NPAP1: variants seen among roughly 807,000 people sequenced by gnomAD.
NPAP1 encodes the protein nuclear pore associated protein 1, also known as nuclear pore-associated protein 1.
For missense variants in NPAP1, 1,483 were observed against 1,454.5 expected, an observed-to-expected ratio of 1.02 and a Z score of -0.32; for synonymous variants, 616 against 581.4, an observed-to-expected ratio of 1.06 and a Z score of -0.86.
In NPAP1 at chr15:24,679,326, C is replaced by A. The variant is rs2049001876; in HGVS notation, c.3459C>A (p.Phe1153Leu). The change falls in exon 1 of 1, where the codon TTC becomes TTA. Residue 1153 changes from phenylalanine to leucine, a missense_variant. By Grantham distance (22) the Phe-to-Leu change is conservative. Coordinates refer to ENST00000329468, the MANE Select transcript of NPAP1 (RefSeq NM_018958.3). Reference sequence around the variant, plus strand: ...CATATGTTAGGAGACATGTCTGTTTCCAACTTCCGTAAGAGCACCTGTGGT... The same window carrying A: ...CATATGTTAGGAGACATGTCTGTTTACAACTTCCGTAAGAGCACCTGTGGT... ...QETYVRRHVC[F>L]QLP is the part of the protein sequence containing the mutation. 1 of 1,611,188 alleles carries A rather than the reference C, an allele frequency of 6.2e-7. No individual in the cohort carries two copies. The highest frequency in any genetic ancestry group is 8.5e-7 in the Non-Finnish European group (1 of 1,178,486).
Position 24,675,946 on chromosome 15 carries a change from C to G in NPAP1, c.79C>G (p.Pro27Ala), listed in dbSNP as rs765265578. 6 of 1,590,034 alleles carry G rather than the reference C, an allele frequency of 3.8e-6. No homozygotes were observed. Among genetic ancestry groups the G allele is most frequent in the Non-Finnish European group, 4.3e-6 (5 of 1,170,252 alleles). The stretch of plus-strand genomic sequence containing the variant: ...AGGGCCAGGGCGTGGCGCCCCCGCT[C>G]CCCTGTCCCGGGACGCCTCCCCGCC... ...LPGPGRGAPA[P>A]LSRDASPPGR... is the part of the protein sequence containing the mutation. Residue 27 changes from proline (P) to alanine (A), a missense_variant, in exon 1 of 1, where the codon CCC becomes GCC. Physicochemically the swap from Pro to Ala is conservative, Grantham distance 27 (BLOSUM62 -1). Coordinates refer to ENST00000329468, the MANE Select transcript of NPAP1 (RefSeq NM_018958.3).
chr15:24,676,298 C>T lies in NPAP1; in HGVS notation c.431C>T (p.Thr144Ile), dbSNP rs371525434. The change falls in exon 1 of 1, where the codon ACT becomes ATT. Residue 144 changes from threonine to isoleucine, a missense_variant. Transcript: ENST00000329468. ...AAGGCCAGGAAGCCCATCCCAGCCACTCTCCTGGAGGAGACCGAGGTGTGG... is the reference window on the plus strand; with the variant it reads ...AAGGCCAGGAAGCCCATCCCAGCCATTCTCCTGGAGGAGACCGAGGTGTGG... ...AVKARKPIPA[T>I]LLEETEVWAQ... 2 of 1,519,284 alleles carry T rather than the reference C, an allele frequency of 1.3e-6. No homozygotes were observed. The highest frequency in any genetic ancestry group is 1.8e-6 in the Non-Finnish European group (2 of 1,135,428). The allele number at this position is 1,519,284 out of a possible 1,614,324, so 94.1% of individuals were successfully genotyped here. A position where few individuals can be genotyped will look rare whatever the true frequency, so the allele number is the denominator to read the frequency against.
In NPAP1 at chr15:24,677,540, C is replaced by G. The variant is rs1043881755; in HGVS notation, c.1673C>G (p.Thr558Arg). ...TCCACGTCAGTCATTTCCACTGTCACAACAAACGCATCTGCCCACCTAACC... is the reference window on the plus strand; with the variant it reads ...TCCACGTCAGTCATTTCCACTGTCAGAACAAACGCATCTGCCCACCTAACC... ...MNSTSVISTV[T>R]TNASAHLTSQ... Residue 558 changes from threonine to arginine, a missense_variant, in exon 1 of 1, where the codon ACA (threonine) becomes AGA (arginine). Physicochemically the swap from Thr to Arg is moderately conservative, Grantham distance 71 (BLOSUM62 -1). Transcript: ENST00000329468. The G allele has an allele frequency of 6.2e-7, 1 of 1,614,042 alleles. No individual in the cohort carries two copies. Among genetic ancestry groups the G allele is most frequent in the Non-Finnish European group, 8.5e-7 (1 of 1,180,036 alleles).
rs770374390 is a variant in NPAP1, at chr15:24,675,904, C to T, written c.37C>T (p.Arg13Cys). 2 of 1,577,792 alleles carry T rather than the reference C, an allele frequency of 1.3e-6. No individual in the cohort carries two copies. Among genetic ancestry groups the T allele is most frequent in the Admixed American group, 1.9e-5 (1 of 54,050 alleles). ...NLLSKFRPGC[R>C]RRPLPGPGRG... Reference sequence around the variant, plus strand: ...ACTTAGTAAATTTAGACCCGGGTGCCGCCGCCGGCCCCTGCCAGGGCCAGG... The same window carrying T: ...ACTTAGTAAATTTAGACCCGGGTGCTGCCGCCGGCCCCTGCCAGGGCCAGG... The change falls in exon 1 of 1, where the codon CGC becomes TGC. Residue 13 changes from arginine (R) to cysteine (C), a missense_variant. Physicochemically the swap from Arg to Cys is radical, Grantham distance 180. Coordinates refer to ENST00000329468, the MANE Select transcript of NPAP1 (RefSeq NM_018958.3).
At position 24,678,128 on chromosome 15, in the gene NPAP1, G is replaced by C. The variant is rs2141311912; in HGVS notation, c.2261G>C (p.Arg754Thr). The change falls in exon 1 of 1, where the codon AGG (arginine) becomes ACG (threonine). Residue 754 changes from arginine to threonine, a missense_variant. Arg to Thr is a moderately conservative substitution (Grantham distance 71). Transcript: ENST00000329468. ...ACCAGTTTGCCTGCACAGTCAGTCA[G>C]GGCACCAGCTACAGCTTCCAACCAT... is the stretch of plus-strand genomic sequence containing the variant. ...GSTSLPAQSVRAPATASNHPL... is the reference protein window; with the variant it reads ...GSTSLPAQSVTAPATASNHPL... 6.2e-7 allele frequency: 1 copy of C among 1,612,692 alleles called. No individual in the cohort carries two copies. The highest frequency in any genetic ancestry group is 2.2e-5 in the East Asian group (1 of 44,680).
rs1389631819 is a variant in NPAP1, at chr15:24,676,646, C to T, written c.779C>T (p.Thr260Ile). 6.2e-7 allele frequency: 1 copy of T among 1,613,940 alleles called. No homozygotes were observed. ...CTTGGAAAGCCTGATCCGGATGCAACAGCGCCCCCTGAGCCAGCCGTTGGC... is the reference window on the plus strand; with the variant it reads ...CTTGGAAAGCCTGATCCGGATGCAATAGCGCCCCCTGAGCCAGCCGTTGGC... ...RHLGKPDPDATAPPEPAVGCS... is the reference protein window; with the variant it reads ...RHLGKPDPDAIAPPEPAVGCS... Residue 260 changes from threonine to isoleucine, a missense_variant, in exon 1 of 1, where the codon ACA becomes ATA. Transcript: ENST00000329468.
At position 24,676,944 on chromosome 15, in the gene NPAP1, C is replaced by G. The variant is rs2141309197; in HGVS notation, c.1077C>G (p.Cys359Trp). 1 of 1,600,512 alleles carries G rather than the reference C, an allele frequency of 6.2e-7. No individual in the cohort carries two copies. The highest frequency in any genetic ancestry group is 8.5e-7 in the Non-Finnish European group (1 of 1,173,638). Reference protein sequence around the residue: ...GELPPPAKLPCLSVEGDLHTL... With the variant: ...GELPPPAKLPWLSVEGDLHTL... The stretch of plus-strand genomic sequence containing the variant: ...TTCCCCCACCTGCTAAGCTCCCCTG[C>G]CTGTCTGTTGAGGGAGACCTACACA... The change falls in exon 1 of 1, where the codon TGC (cysteine) becomes TGG (tryptophan). Residue 359 changes from cysteine to tryptophan, a missense_variant. Coordinates refer to ENST00000329468, the MANE Select transcript of NPAP1 (RefSeq NM_018958.3).
At position 24,679,257 on chromosome 15, in the gene NPAP1, G is replaced by A; in HGVS notation, c.3390G>A (p.Glu1130=). The part of the protein sequence containing the change: ...QQCILQHTWT[E]RKFYTSSTHY... Reference sequence around the variant, plus strand: ...GCATCCTGCAGCACACATGGACAGAGAGAAAATTCTACACTTCAAGCACCC... The same window carrying A: ...GCATCCTGCAGCACACATGGACAGAAAGAAAATTCTACACTTCAAGCACCC... The change falls in exon 1 of 1, where the codon GAG becomes GAA. Residue 1130 remains glutamate (E), a synonymous_variant. Transcript: ENST00000329468. 6.2e-7 allele frequency: 1 copy of A among 1,614,040 alleles called. No homozygotes were observed. The highest frequency in any genetic ancestry group is 1.1e-5 in the South Asian group (1 of 91,084).
rs1191220500 is a variant in NPAP1, at chr15:24,676,094, G to A, written c.227G>A (p.Arg76Gln). ...CCTAAGAGGCCGTGTCCTCTCCCTC[G>A]GGCTGCGGCCGCCCCTCTGGGGGTC... is the stretch of plus-strand genomic sequence containing the variant. The part of the protein sequence containing the change: ...VAPKRPCPLP[R>Q]AAAAPLGVLP... The change falls in exon 1 of 1, where the codon CGG (arginine) becomes CAG (glutamine). Residue 76 changes from arginine to glutamine, a missense_variant. Transcript: ENST00000329468. 1.3e-6 allele frequency: 2 copies of A among 1,562,084 alleles called. No homozygotes were observed. Among genetic ancestry groups the A allele is most frequent in the Non-Finnish European group, 1.7e-6 (2 of 1,157,522 alleles).
chr15:24,676,958 G>A lies in NPAP1; in HGVS notation c.1091G>A (p.Gly364Glu), dbSNP rs2048980876. 6.2e-7 allele frequency: 1 copy of A among 1,613,446 alleles called. No homozygotes were observed. The change falls in exon 1 of 1, where the codon GGA becomes GAA. Residue 364 changes from glycine to glutamate, a missense_variant. Physicochemically the swap from Gly to Glu is moderately conservative, Grantham distance 98 (BLOSUM62 -2). Transcript: ENST00000329468. ...AAGCTCCCCTGCCTGTCTGTTGAGG[G>A]AGACCTACACACCTTGGAGAAGAGC... ...PAKLPCLSVEGDLHTLEKSPE... is the reference protein window; with the variant it reads ...PAKLPCLSVEEDLHTLEKSPE...
At position 24,682,852 on chromosome 15, in the gene NPAP1, G is replaced by C. The variant is rs991459528; in HGVS notation, c.*3514G>C. On this transcript the variant is annotated 3_prime_UTR_variant, in exon 1 of 1. Coordinates refer to ENST00000329468, the MANE Select transcript of NPAP1 (RefSeq NM_018958.3). ...AGCCTCCTCCACTGGTTTGGGAGTG[G>C]TAAGACCAAAGTAAATGTAAAAAGT... 6.0e-6 allele frequency: 1 copy of C among 167,014 alleles called. No homozygotes were observed. Among genetic ancestry groups the C allele is most frequent in the African/African-American group, 2.4e-5 (1 of 41,434 alleles). The allele number at this position is 167,014 out of a possible 1,614,324, so 10.3% of individuals were successfully genotyped here. A position where few individuals can be genotyped will look rare whatever the true frequency, so the allele number is the denominator to read the frequency against.
chr15:24,677,124 G>T lies in NPAP1; in HGVS notation c.1257G>T (p.Gln419His). ...TGCCCCTGACCACTTACACTTCCCA[G>T]GTCTCAGCTCCTTTGCCCATCCCTG... Reference protein sequence around the residue: ...DSLPLTTYTSQVSAPLPIPDL... With the variant: ...DSLPLTTYTSHVSAPLPIPDL... The change falls in exon 1 of 1, where the codon CAG (glutamine) becomes CAT (histidine). Residue 419 changes from glutamine to histidine, a missense_variant. Coordinates refer to ENST00000329468, the MANE Select transcript of NPAP1 (RefSeq NM_018958.3). 1 of 1,614,034 alleles carries T rather than the reference G, an allele frequency of 6.2e-7. No homozygotes were observed. Among genetic ancestry groups the T allele is most frequent in the Non-Finnish European group, 8.5e-7 (1 of 1,180,006 alleles).
rs2141307305 is a variant in NPAP1, at chr15:24,676,118, T to A, written c.251T>A (p.Val84Asp). ...LPRAAAAPLG[V>D]LPAVGWGLAI... Reference sequence around the variant, plus strand: ...CGGGCTGCGGCCGCCCCTCTGGGGGTCCTGCCGGCTGTGGGTTGGGGGCTG... The same window carrying A: ...CGGGCTGCGGCCGCCCCTCTGGGGGACCTGCCGGCTGTGGGTTGGGGGCTG... Residue 84 changes from valine to aspartate, a missense_variant, in exon 1 of 1, where the codon GTC becomes GAC. By Grantham distance (152) the Val-to-Asp change is radical. Transcript: ENST00000329468. The A allele has an allele frequency of 6.4e-7, 1 of 1,564,804 alleles. No individual in the cohort carries two copies. The highest frequency in any genetic ancestry group is 1.9e-5 in the Admixed American group (1 of 53,194).
At position 24,676,547 on chromosome 15, in the gene NPAP1, C is replaced by T. The variant is rs767660483; in HGVS notation, c.680C>T (p.Ala227Val). The T allele has an allele frequency of 3.1e-6, 5 of 1,614,096 alleles. No homozygotes were observed. The highest frequency in any genetic ancestry group is 4.2e-6 in the Non-Finnish European group (5 of 1,180,022). ...SENSMSEKAQASPASSCLEGP... is the reference protein window; with the variant it reads ...SENSMSEKAQVSPASSCLEGP... ...AACAGCATGAGTGAGAAGGCCCAGG[C>T]GTCTCCAGCGAGCTCCTGCTTGGAA... The change falls in exon 1 of 1, where the codon GCG (alanine) becomes GTG (valine). Residue 227 changes from alanine to valine, a missense_variant. Ala to Val is a moderately conservative substitution (Grantham distance 64, BLOSUM62 0). Coordinates refer to ENST00000329468, the MANE Select transcript of NPAP1 (RefSeq NM_018958.3).
In NPAP1 at chr15:24,676,578, T is replaced by C. The variant is rs775836358; in HGVS notation, c.711T>C (p.Pro237=). 5 of 1,613,954 alleles carry C rather than the reference T, an allele frequency of 3.1e-6. No individual in the cohort carries two copies. Among genetic ancestry groups the C allele is most frequent in the Non-Finnish European group, 4.2e-6 (5 of 1,180,034 alleles). The change falls in exon 1 of 1, where the codon CCT becomes CCC. Residue 237 remains proline, a synonymous_variant. Transcript: ENST00000329468. The stretch of plus-strand genomic sequence containing the variant: ...CAGCGAGCTCCTGCTTGGAAGGCCC[T>C]GCCATGCCCAGCACACACAGCCAGG... ...ASPASSCLEG[P]AMPSTHSQAG...
In NPAP1 at chr15:24,677,035, A is replaced by G. The variant is rs2141309412; in HGVS notation, c.1168A>G (p.Thr390Ala). ...CTTGGAGGATAAAACAGAGACCATGACAAACAGCAGCATCACCCAGCCTGC... is the reference window on the plus strand; with the variant it reads ...CTTGGAGGATAAAACAGAGACCATGGCAAACAGCAGCATCACCCAGCCTGC... ...RILEDKTETM[T>A]NSSITQPAPS... The change falls in exon 1 of 1, where the codon ACA becomes GCA. Residue 390 changes from threonine to alanine, a missense_variant. Thr to Ala is a moderately conservative substitution (Grantham distance 58). Transcript: ENST00000329468. The G allele has an allele frequency of 6.2e-7, 1 of 1,613,960 alleles. No homozygotes were observed. Among genetic ancestry groups the G allele is most frequent in the Non-Finnish European group, 8.5e-7 (1 of 1,180,008 alleles).
chr15:24,678,514 C>G lies in NPAP1; in HGVS notation c.2647C>G (p.Pro883Ala), dbSNP rs1257981616. 1 of 1,614,078 alleles carries G rather than the reference C, an allele frequency of 6.2e-7. No individual in the cohort carries two copies. The highest frequency in any genetic ancestry group is 1.1e-5 in the South Asian group (1 of 91,086). Residue 883 changes from proline to alanine, a missense_variant, in exon 1 of 1, where the codon CCA (proline) becomes GCA (alanine). By Grantham distance (27) the Pro-to-Ala change is conservative. Transcript: ENST00000329468. ...TSFPAQADRR[P>A]TTTSSHPLNT... ...TTTTCCTGCACAGGCAGATAGGAGACCAACCACAACTTCCAGCCATCCTTT... is the reference window on the plus strand; with the variant it reads ...TTTTCCTGCACAGGCAGATAGGAGAGCAACCACAACTTCCAGCCATCCTTT...
rs1217447332 is a variant in NPAP1 at position 24,682,613 on chromosome 15, GCTA to G, written c.*3278_*3280del. On this transcript the variant is annotated 3_prime_UTR_variant, in exon 1 of 1. Coordinates refer to ENST00000329468, the MANE Select transcript of NPAP1 (RefSeq NM_018958.3). ...TTCCCTCCTCCAGAGATAGTGTTTAGCTACTTTGATGTCACTCCCATAGTTCTG... is the reference window on the plus strand; with the variant it reads ...TTCCCTCCTCCAGAGATAGTGTTTAGCTTTGATGTCACTCCCATAGTTCTG... The G allele has an allele frequency of 2.4e-5, 4 of 166,948 alleles. No individual in the cohort carries two copies. The highest frequency in any genetic ancestry group is 7.2e-5 in the African/African-American group (3 of 41,408). The allele number at this position is 166,948 out of a possible 1,614,324, so 10.3% of individuals were successfully genotyped here. A position where few individuals can be genotyped will look rare whatever the true frequency, so the allele number is the denominator to read the frequency against.
Position 24,682,049 on chromosome 15 carries a change from G to C in NPAP1, c.*2711G>C, listed in dbSNP as rs1402943831. The stretch of plus-strand genomic sequence containing the variant: ...CTCTCGGAAGAACCCCTTTTTATTA[G>C]CATAAAAGCACTTACTTTTATGAAG... On this transcript the variant is annotated 3_prime_UTR_variant, in exon 1 of 1. Coordinates refer to ENST00000329468, the MANE Select transcript of NPAP1 (RefSeq NM_018958.3). The C allele has an allele frequency of 1.2e-5, 2 of 166,790 alleles. No homozygotes were observed. The highest frequency in any genetic ancestry group is 2.9e-5 in the Non-Finnish European group (2 of 68,062). The allele number at this position is 166,790 out of a possible 1,614,324, so 10.3% of individuals were successfully genotyped here.
Sources: gnomAD v4.1 joint callset for allele counts on GRCh38, gnomAD v4.1.1 for gene constraint, MANE v1.5 for transcripts, NCBI Gene and HGNC (gene_info 2026-07-23, HGNC 2026-07-21) for gene names.